SNX24: variants seen among roughly 807,000 people sequenced by gnomAD.
SNX24 encodes the protein sorting nexin 24, also known as sorting nexin-24.
Under a neutral mutation model 28.7 loss-of-function variants are expected in SNX24, and 22 were observed. The observed-to-expected ratio is 0.77, with a 90% confidence interval of 0.55 to 1.10. The LOEUF (loss-of-function observed/expected upper bound fraction) is 1.10, where lower values mean the gene tolerates loss of function less well. SNX24 is among the 50% of genes least tolerant of loss of function. The pLI, the probability that SNX24 is intolerant of heterozygous loss-of-function variation, is 0.00. For missense variants in SNX24, 221 were observed against 201.1 expected, an observed-to-expected ratio of 1.10 and a Z score of -0.60; for synonymous variants, 69 against 71.5, an observed-to-expected ratio of 0.96 and a Z score of 0.18.
chr5:122,942,710 C>G (rs1285329307), intron 2 of SNX24, among the ~76,000 whole-genome samples: 4 of 152,168 alleles, frequency 2.6e-5, no homozygotes, highest in Admixed American at 2.0e-4. Flanking sequence ...GGCAGTTTGC[C>G]TGGACACAGC....
At chr5:122,993,263 G>A (rs920896608) in intron 3 of SNX24, among the ~76,000 whole-genome samples, 2 of 149,916 alleles carry the variant, frequency 1.3e-5, no homozygotes, top group African/African-American at 2.5e-5. Context: ...TTTTCAGGTG[G>A]TCAGGATCCT....
At chr5:122,945,089 A>G (rs988424235) in intron 2 of SNX24, among the ~76,000 whole-genome samples, 3 of 152,192 alleles carry the variant, frequency 2.0e-5, no homozygotes, top group Non-Finnish European at 4.4e-5. Flanking sequence ...TGTCAGCAGG[A>G]TGACGTTTGC....
rs551527337 is a variant in SNX24 at position 123,027,375 on chromosome 5, G to A, written n.384-1863G>A. On this transcript the variant is annotated intron_variant and non_coding_transcript_variant, in intron 5 of 5. Transcript: ENST00000502387. Reference sequence around the variant, plus strand: ...AATTTTAATGCAAGATGCACACTGGGCAGGGAAGGTAGTGAGAAAAAAAAG... The same window carrying A: ...AATTTTAATGCAAGATGCACACTGGACAGGGAAGGTAGTGAGAAAAAAAAG... Among the ~76,000 whole-genome samples, 43 of 152,298 alleles carry A rather than the reference G, an allele frequency of 2.8e-4. 1 individual carries two copies. Among genetic ancestry groups the A allele is most frequent in the African/African-American group, 9.6e-4 (40 of 41,568 alleles).
At chr5:122,988,468 A>G (rs1761697418) in intron 3 of SNX24, among the ~76,000 whole-genome samples, 1 of 152,172 alleles carries the variant, frequency 6.6e-6, no homozygotes, top group African/African-American at 2.4e-5. Context: ...TATTAGTGTA[A>G]ATTCTTGCTA....
At chr5:122,993,710 C>A (rs1761951484) in intron 3 of SNX24, among the ~76,000 whole-genome samples, 1 of 152,142 alleles carries the variant, frequency 6.6e-6, no homozygotes, top group Non-Finnish European at 1.5e-5. Flanking sequence ...GACTACAAAG[C>A]CTCTGTGAGC....
chr5:122,904,761 T>C (rs1757579477), intron 1 of SNX24, among the ~76,000 whole-genome samples: 1 of 152,216 alleles, frequency 6.6e-6, no homozygotes, highest in Admixed American at 6.5e-5. Context: ...CTAAGAAAGC[T>C]AAACGTTTCA....
At chr5:122,972,052 C>T (rs1760982329) in intron 3 of SNX24, among the ~76,000 whole-genome samples, 1 of 152,188 alleles carries the variant, frequency 6.6e-6, no homozygotes, top group Admixed American at 6.5e-5. Flanking sequence ...CTTCCTTTCT[C>T]CATTGTGGAG....
At chr5:122,870,615 G>A (rs1036507969) in intron 1 of SNX24, among the ~76,000 whole-genome samples, 4 of 152,202 alleles carry the variant, frequency 2.6e-5, no homozygotes, top group Non-Finnish European at 2.9e-5. Context: ...AGTGGTGGAA[G>A]AATGACAAAC....
intron 1 of SNX24, among the ~76,000 whole-genome samples, chr5:122,935,376 T>C (rs1759137362): frequency 6.6e-6 from 1 of 152,028 alleles, no homozygotes; most frequent in African/African-American, 2.4e-5. Flanking sequence ...ATTTTTTTTT[T>C]CCTAAAAAAA....
chr5:122,961,760 G>A (rs1374830180), intron 3 of SNX24, among the ~76,000 whole-genome samples: 4 of 152,138 alleles, frequency 2.6e-5, no homozygotes, highest in Non-Finnish European at 5.9e-5. Flanking sequence ...GCTAGCAAGT[G>A]TTTTCAGATT....
intron 3 of SNX24, among the ~76,000 whole-genome samples, chr5:122,964,247 C>CAAAAAAAA (rs34174497): frequency 6.7e-3 from 243 of 36,068 alleles, no homozygotes; most frequent in Non-Finnish European, 8.8e-3. Flanking sequence ...GACTCCATCT[C>CAAAAAAAA]AAAAAAAAAA....
chr5:122,939,663 T>C (rs189433754), intron 2 of SNX24, among the ~76,000 whole-genome samples: 125 of 152,352 alleles, frequency 8.2e-4, no homozygotes, highest in Non-Finnish European at 1.3e-3. Flanking sequence ...TTTTTGTAGA[T>C]TGTATTTTTC....
At chr5:122,953,049 G>A (rs991113774) in intron 3 of SNX24, among the ~76,000 whole-genome samples, 11 of 67,700 alleles carry the variant, frequency 1.6e-4, no homozygotes, top group East Asian at 1.9e-3. Context: ...CAATATAAGC[G>A]ATTTCTTTCT....
chr5:122,890,923 T>G (rs1756941039), intron 1 of SNX24: 1 of 1,141,166 alleles, frequency 8.8e-7, no homozygotes, highest in Admixed American at 4.2e-5. Flanking sequence ...ATTAAAATTT[T>G]TATCCCTTCA....
intron 3 of SNX24, among the ~76,000 whole-genome samples, chr5:122,983,371 A>C (rs566783478): frequency 9.3e-4 from 142 of 152,244 alleles, no homozygotes; most frequent in African/African-American, 3.1e-3. Context: ...TCTCTGTCTT[A>C]AGACACTTAG....
At chr5:122,856,439 C>G (rs897477285) in intron 1 of SNX24, among the ~76,000 whole-genome samples, 2 of 137,480 alleles carry the variant, frequency 1.5e-5, no homozygotes, top group Middle Eastern at 3.7e-3. Context: ...AACATATATG[C>G]GTATGTGGCT....
intron 5 of SNX24, chr5:123,023,521 C>A: frequency 6.3e-6 from 1 of 159,042 alleles, no homozygotes. Flanking sequence ...ATAATATCCT[C>A]ATCTGTTTCA....
chr5:122,914,432 C>T (rs1370562552), intron 1 of SNX24, among the ~76,000 whole-genome samples: 1 of 151,704 alleles, frequency 6.6e-6, no homozygotes. Context: ...GGGAGGATTC[C>T]CTCTTTTTCT....
intron 1 of SNX24, among the ~76,000 whole-genome samples, chr5:122,860,903 T>C (rs1226458013): frequency 6.6e-6 from 1 of 151,696 alleles, no homozygotes; most frequent in East Asian, 1.9e-4. Flanking sequence ...GCCAAGAAAA[T>C]TTTTAAAAGC....
Sources: allele counts gnomAD v4.1 joint callset (sites outside exome capture counted in the v4.1 genomes callset), GRCh38; gene constraint gnomAD v4.1.1; transcripts MANE v1.5; gene names NCBI Gene and HGNC (gene_info 2026-07-23, HGNC 2026-07-21).